Variants in TRIM65 observed in about 807,000 individuals in gnomAD.
The protein encoded by TRIM65 is E3 ubiquitin-protein ligase TRIM65.
Under a neutral mutation model 36.1 loss-of-function variants are expected in TRIM65, and 46 were observed. The ratio of observed to expected loss-of-function variants is 1.27; its 90% confidence interval spans 1.01 to 1.63. TRIM65 has a LOEUF of 1.63. Ranked by LOEUF, TRIM65 falls within the 40% of genes most tolerant of loss-of-function variation. The pLI is 0.00. For synonymous variants in TRIM65, 346 were observed against 313.6 expected (o/e 1.10, Z -1.09); for missense variants, 708 against 696.6 (o/e 1.02, Z -0.18).
In TRIM65 at chr17:75,891,275, AC is replaced by A; in HGVS notation, c.1057del (p.Val353Ter). ...GCCCCGGGACTGACGACAGTGCTTC[AC>A]CTGCTGGTCCTGGCGCGACAGATAG... ...HFYLSRQDQQVKHCRQSRGPG... is the reference protein window; with the variant it reads ...HFYLSRQDQQXKHCRQSRGPG... On this transcript the variant is annotated frameshift_variant, in exon 6 of 6. Coordinates refer to ENST00000269383, the MANE Select transcript of TRIM65 (RefSeq NM_173547.4). LOFTEE classifies it low-confidence loss of function (END_TRUNC). 6.2e-7 allele frequency: 1 copy of A among 1,613,020 alleles called. No homozygotes were observed. Among genetic ancestry groups the A allele is most frequent in the Non-Finnish European group, 8.5e-7 (1 of 1,179,852 alleles).
chr17:75,892,492 G>T lies in TRIM65; in HGVS notation c.519C>A (p.Ala173=), dbSNP rs1194005056. The T allele has an allele frequency of 3.1e-6, 5 of 1,613,642 alleles. No individual in the cohort carries two copies. The African/African-American group carries it at 5.3e-5, about 17-fold the overall frequency. Residue 173 remains alanine (A), a synonymous_variant, in exon 3 of 6, where the codon GCC becomes GCA. Transcript: ENST00000269383. ...CGGAGACCCAGGAGGCCAAGATGCA[G>T]GCCGAGTTCTGGGCGGGAACAGGAG... ...RKQSSQIQNS[A]CILASWVSGK... is the part of the protein sequence containing the mutation.
In TRIM65 at chr17:75,894,128, C is replaced by T. The variant is rs181517943; in HGVS notation, c.415-1278G>A. Among the ~76,000 whole-genome samples, 546 of 152,272 alleles carry T rather than the reference C, an allele frequency of 3.6e-3. 1 individual carries two copies. The highest frequency in any genetic ancestry group is 6.0e-3 in the Non-Finnish European group (408 of 68,018). ...TTCTTCCTTCTCTGACCACTGCCTT[C>T]GTGCCCTCTCCTGTTCCAGCCACCT... On this transcript the variant is annotated intron_variant, in intron 1 of 5. Transcript: ENST00000269383.
downstream of TRIM65, among the ~76,000 whole-genome samples, chr17:75,886,092 T>C (rs931143057): frequency 2.6e-5 from 4 of 152,178 alleles, no homozygotes; most frequent in African/African-American, 4.8e-5. Context: ...CGAGATCTGA[T>C]GGTTTCATAA....
chr17:75,882,643 C>T lies in TRIM65; in HGVS notation c.350-2014G>A, dbSNP rs540036716. On this transcript the variant is annotated intron_variant, in intron 4 of 4. Coordinates refer to the TRIM65 transcript ENST00000591668. ...ACCATGTGAGCTCAGCATGTTCACACCTGCCCTCATTCTGTCTGTCCAAGG... is the reference window on the plus strand; with the variant it reads ...ACCATGTGAGCTCAGCATGTTCACATCTGCCCTCATTCTGTCTGTCCAAGG... 8.0e-5 allele frequency among the ~76,000 whole-genome samples: 12 copies of T among 150,832 alleles called. 2 individuals are homozygous for T. Among genetic ancestry groups the T allele is most frequent in the African/African-American group, 3.0e-4 (12 of 40,180 alleles).
At chr17:75,888,228 T>C (rs1334148710), downstream of TRIM65, among the ~76,000 whole-genome samples, 1 of 148,470 alleles carries the variant, frequency 6.7e-6, no homozygotes, top group Non-Finnish European at 1.5e-5. Flanking sequence ...TGGTGTGCGC[T>C]TATAATCCCA....
Position 75,896,875 on chromosome 17 carries a change from G to C in TRIM65, c.63C>G (p.Asp21Glu). ...TGTGGCCGCAGGGCAGCGTCACTGG[G>C]TCCTGGTAGAGCCCCAGGCAGATGG... Reference protein sequence around the residue: ...TCAICLGLYQDPVTLPCGHNF... With the variant: ...TCAICLGLYQEPVTLPCGHNF... The change falls in exon 1 of 6, where the codon GAC becomes GAG. Residue 21 changes from aspartate (D) to glutamate (E), a missense_variant. Physicochemically the swap from Asp to Glu is conservative, Grantham distance 45. Transcript: ENST00000269383. 1 of 1,531,478 alleles carries C rather than the reference G, an allele frequency of 6.5e-7. No homozygotes were observed. The allele number at this position is 1,531,478 out of a possible 1,614,324, so 94.9% of individuals were successfully genotyped here. A position where few individuals can be genotyped will look rare whatever the true frequency, so the allele number is the denominator to read the frequency against.
rs1415543840 is a variant in TRIM65 at position 75,896,786 on chromosome 17, C to T, written c.152G>A (p.Arg51Gln). 6.7e-7 allele frequency: 1 copy of T among 1,502,306 alleles called. No individual in the cohort carries two copies. The highest frequency in any genetic ancestry group is 1.2e-5 in the South Asian group (1 of 80,444). 93.1% of individuals were successfully genotyped at this position (1,502,306 alleles called of 1,614,324 possible). Residue 51 changes from arginine to glutamine, a missense_variant, in exon 1 of 6, where the codon CGG becomes CAG. Coordinates refer to ENST00000269383, the MANE Select transcript of TRIM65 (RefSeq NM_173547.4). ...DRCGKACPEC[R>Q]EPFPDGAELR... is the part of the protein sequence containing the mutation. ...CTCGGCGCCGTCGGGAAAGGGCTCC[C>T]GGCACTCGGGGCACGCCTTTCCGCA...
In TRIM65 at chr17:75,896,690, G is replaced by GGGCCGGGATCCC; in HGVS notation, c.236_247dup (p.Arg79_Gly82dup). 3 of 1,317,570 alleles carry GGGCCGGGATCCC rather than the reference G, an allele frequency of 2.3e-6. No homozygotes were observed. The highest frequency in any genetic ancestry group is 2.9e-6 in the Non-Finnish European group (3 of 1,038,294). 81.6% of individuals were successfully genotyped at this position (1,317,570 alleles called of 1,614,324 possible). A position where few individuals can be genotyped will look rare whatever the true frequency, so the allele number is the denominator to read the frequency against. ...AGGGTCGGGGCCGGGGCCGGGATCG[G>GGGCCGGGATCCC]GGCCGGGATCCCGGGCGGGCCCGGC... On this transcript the variant is annotated inframe_insertion, in exon 1 of 6. Transcript: ENST00000269383.
Position 75,891,309 on chromosome 17 carries a change from G to A in TRIM65, c.1024C>T (p.Arg342Cys), listed in dbSNP as rs767807385. ...NLTFDPVSAN[R>C]HFYLSRQDQQ... ...TCCTGGCGCGACAGATAGAAGTGAC[G>A]GTTGGCGCTGACTGGATCAAAGGTC... The change falls in exon 6 of 6, where the codon CGT (arginine) becomes TGT (cysteine). Residue 342 changes from arginine to cysteine, a missense_variant. By Grantham distance (180) the Arg-to-Cys change is radical. Coordinates refer to ENST00000269383, the MANE Select transcript of TRIM65 (RefSeq NM_173547.4). 6.4e-5 allele frequency: 104 copies of A among 1,613,154 alleles called. 1 individual carries two copies. Among genetic ancestry groups the A allele is most frequent in the South Asian group, 5.6e-4 (51 of 91,090 alleles).
chr17:75,888,073 G>A (rs2144028076), downstream of TRIM65, among the ~76,000 whole-genome samples: 1 of 151,208 alleles, frequency 6.6e-6, no homozygotes, highest in South Asian at 2.1e-4. Flanking sequence ...GGAGAATGGT[G>A]TGAACCCAGG....
In TRIM65 at chr17:75,891,884, G is replaced by A; in HGVS notation, c.920-6C>T. 6.2e-7 allele frequency: 1 copy of A among 1,610,084 alleles called. No individual in the cohort carries two copies. The highest frequency in any genetic ancestry group is 8.5e-7 in the Non-Finnish European group (1 of 1,178,202). ...TGCCAGGGGACCTGGGGCCTCTAGG[G>A]GGCAAAGCAGTGTTAAGGGAATGGT... On this transcript the variant is annotated splice_polypyrimidine_tract_variant and splice_region_variant and intron_variant, in intron 4 of 5. Coordinates refer to ENST00000269383, the MANE Select transcript of TRIM65 (RefSeq NM_173547.4).
downstream of TRIM65, among the ~76,000 whole-genome samples, chr17:75,886,026 T>C (rs2065204226): frequency 6.6e-6 from 1 of 152,170 alleles, no homozygotes; most frequent in African/African-American, 2.4e-5. Context: ...GGGAGGTAAT[T>C]GAATCATGGG....
chr17:75,884,229 G>A (rs376891734), downstream of TRIM65, among the ~76,000 whole-genome samples: 504 of 152,232 alleles, frequency 3.3e-3, 2 homozygotes, highest in African/African-American at 0.012. Flanking sequence ...AGGCCGAGGC[G>A]GGCGGGTCAC....
chr17:75,896,555 G>A lies in TRIM65; in HGVS notation c.383C>T (p.Ala128Val). 7.4e-7 allele frequency: 1 copy of A among 1,358,150 alleles called. No individual in the cohort carries two copies. Among genetic ancestry groups the A allele is most frequent in the South Asian group, 1.7e-5 (1 of 59,250 alleles). The allele number at this position is 1,358,150 out of a possible 1,614,324, so 84.1% of individuals were successfully genotyped here. The change falls in exon 1 of 6, where the codon GCG (alanine) becomes GTG (valine). Residue 128 changes from alanine to valine, a missense_variant. By Grantham distance (64) the Ala-to-Val change is moderately conservative. Transcript: ENST00000269383. Reference sequence around the variant, plus strand: ...CTTGAGGCGCTCGGCATCCAGCAGCGCCCGCTCGTGGAGGCGACACTCGCG... The same window carrying A: ...CTTGAGGCGCTCGGCATCCAGCAGCACCCGCTCGTGGAGGCGACACTCGCG... ...TVRECRLHER[A>V]LLDAERLKRE...
At chr17:75,888,512 C>T (rs2144030786), downstream of TRIM65, among the ~76,000 whole-genome samples, 1 of 152,322 alleles carries the variant, frequency 6.6e-6, no homozygotes, top group South Asian at 2.1e-4. Flanking sequence ...CCAACTCTTC[C>T]TCTCTCTGCC....
Position 75,892,332 on chromosome 17 carries a change from C to T in TRIM65, c.679G>A (p.Val227Met), listed in dbSNP as rs1297078117. The change falls in exon 3 of 6, where the codon GTG (valine) becomes ATG (methionine). Residue 227 changes from valine to methionine, a missense_variant. Coordinates refer to ENST00000269383, the MANE Select transcript of TRIM65 (RefSeq NM_173547.4). ...EQRLRVHLEA[V>M]ARHGCRIREL... ...CGGATCCTGCAGCCATGGCGAGCCA[C>T]AGCCTCCAAATGGACCCGCAGCCGC... 2 of 1,613,046 alleles carry T rather than the reference C, an allele frequency of 1.2e-6. No individual in the cohort carries two copies. Among genetic ancestry groups the T allele is most frequent in the South Asian group, 1.1e-5 (1 of 91,048 alleles).
At chr17:75,891,901 G>A (rs1354225444) in intron 4 of TRIM65, 23 bp from the exon 5 acceptor site, 9 of 1,602,896 alleles carry the variant, frequency 5.6e-6, no homozygotes, top group Non-Finnish European at 6.8e-6. Context: ...GCAGTGTTAA[G>A]GGAATGGTTG....
rs773403074 is a variant in TRIM65 at position 75,891,293 on chromosome 17, G to A, written c.1040C>T (p.Ser347Leu). 1.1e-5 allele frequency: 18 copies of A among 1,613,226 alleles called. No homozygotes were observed. The highest frequency in any genetic ancestry group is 3.3e-5 in the South Asian group (3 of 91,070). The change falls in exon 6 of 6, where the codon TCG (serine) becomes TTG (leucine). Residue 347 changes from serine (S) to leucine (L), a missense_variant. Coordinates refer to ENST00000269383, the MANE Select transcript of TRIM65 (RefSeq NM_173547.4). ...GTGCTTCACCTGCTGGTCCTGGCGCGACAGATAGAAGTGACGGTTGGCGCT... is the reference window on the plus strand; with the variant it reads ...GTGCTTCACCTGCTGGTCCTGGCGCAACAGATAGAAGTGACGGTTGGCGCT... ...PVSANRHFYL[S>L]RQDQQVKHCR...
At position 75,896,811 on chromosome 17, in the gene TRIM65, AGCGGTCCCACCAGTC is replaced by A; in HGVS notation, c.112_126del (p.Asp38_Arg42del). The A allele has an allele frequency of 2.0e-6, 3 of 1,513,836 alleles. No homozygotes were observed. Among genetic ancestry groups the A allele is most frequent in the Non-Finnish European group, 2.6e-6 (3 of 1,133,586 alleles). 93.8% of individuals were successfully genotyped at this position (1,513,836 alleles called of 1,614,324 possible). On this transcript the variant is annotated inframe_deletion, in exon 1 of 6. Coordinates refer to ENST00000269383, the MANE Select transcript of TRIM65 (RefSeq NM_173547.4). Reference sequence around the variant, plus strand: ...CGGCACTCGGGGCACGCCTTTCCGCAGCGGTCCCACCAGTCCCGGATGCAGGCCCCGCAGAAGTTG... The same window carrying A: ...CGGCACTCGGGGCACGCCTTTCCGCACCGGATGCAGGCCCCGCAGAAGTTG...
Sources: allele counts gnomAD v4.1 joint callset (sites outside exome capture counted in the v4.1 genomes callset), GRCh38; gene constraint gnomAD v4.1.1; transcripts MANE v1.5; gene names NCBI Gene and HGNC (gene_info 2026-07-23, HGNC 2026-07-21).